SGK3: variants seen among roughly 807,000 people sequenced by gnomAD.
SGK3 encodes the protein serum/glucocorticoid regulated kinase family member 3.
SGK3 carries 47 observed loss-of-function variants against 68.5 expected under a neutral mutation model. The ratio of observed to expected loss-of-function variants is 0.69; its 90% CI spans 0.54 to 0.87. The LOEUF (loss-of-function observed/expected upper bound fraction) is 0.87, where lower values mean the gene tolerates loss of function less well. Among genes scored for constraint, SGK3 ranks in the 40% least tolerant of loss-of-function variants. The pLI is 0.00. For synonymous variants in SGK3, 181 were observed against 189.1 expected (o/e 0.96, Z 0.35); for missense variants, 479 against 575.5 (o/e 0.83, Z 1.72).
At chr8:66,798,216 C>T (rs1807781313) in intron 2 of SGK3, among the ~76,000 whole-genome samples, 1 of 152,034 alleles carries the variant, frequency 6.6e-6, no homozygotes, top group Non-Finnish European at 1.5e-5. Flanking sequence ...CTATGTTGCC[C>T]AGGCTGGTCT....
intron 1 of SGK3, among the ~76,000 whole-genome samples, chr8:66,747,321 T>C (rs141690856): frequency 6.6e-4 from 100 of 152,250 alleles, no homozygotes; most frequent in African/African-American, 2.3e-3. Flanking sequence ...AGAACCATGG[T>C]TTTTCCATCT....
At position 66,831,201 on chromosome 8, in the gene SGK3, A is replaced by T; in HGVS notation, c.468-53A>T. 1.9e-6 allele frequency: 3 copies of T among 1,598,184 alleles called. No individual in the cohort carries two copies. In the South Asian group the frequency reaches 3.3e-5, roughly 18 times the overall value. Reference sequence around the variant, plus strand: ...AGGGAGGTGCTAAGAAATGTTTAAAAGTTAATATTTCCAATTTCTAGGAGG... The same window carrying T: ...AGGGAGGTGCTAAGAAATGTTTAAATGTTAATATTTCCAATTTCTAGGAGG... On this transcript the variant is annotated intron_variant, in intron 7 of 16. Transcript: ENST00000521198.
chr8:66,843,317 C>T (rs899503235), intron 13 of SGK3, 135 bp from the exon 14 acceptor site: 8 of 734,702 alleles, frequency 1.1e-5, no homozygotes, highest in Non-Finnish European at 1.8e-5. Flanking sequence ...TGAGAATATC[C>T]AACCCACTGG....
chr8:66,854,625 G>A (rs1810429848), intron 16 of SGK3, among the ~76,000 whole-genome samples: 1 of 152,052 alleles, frequency 6.6e-6, no homozygotes, highest in Non-Finnish European at 1.5e-5. Flanking sequence ...TTAGTTAAGT[G>A]TTAAGGGATT....
chr8:66,808,709 T>C (rs1431214771), intron 4 of SGK3, among the ~76,000 whole-genome samples: 3 of 151,750 alleles, frequency 2.0e-5, no homozygotes, highest in Non-Finnish European at 4.4e-5. Context: ...ATGAGGTTTC[T>C]CCATGTTGGT....
At chr8:66,761,965 C>T (rs1245022069) in intron 1 of SGK3, among the ~76,000 whole-genome samples, 1 of 152,154 alleles carries the variant, frequency 6.6e-6, no homozygotes, top group Non-Finnish European at 1.5e-5. Context: ...TGAATCAAAT[C>T]CCAAACATCA....
intron 4 of SGK3, among the ~76,000 whole-genome samples, chr8:66,808,957 C>T (rs530276011): frequency 1.1e-4 from 16 of 152,106 alleles, no homozygotes; most frequent in African/African-American, 3.9e-4. Context: ...ACAACCTCCA[C>T]CTCCCCAGTT....
At chr8:66,802,205 A>T (rs1016404872) in intron 3 of SGK3, among the ~76,000 whole-genome samples, 8 of 152,132 alleles carry the variant, frequency 5.3e-5, no homozygotes, top group African/African-American at 1.9e-4. Context: ...GAAAATAGTT[A>T]TTGGTTGGAT....
chr8:66,731,166 ATGAGGACTTC>A (rs1236533334), intron 1 of SGK3, among the ~76,000 whole-genome samples: 1 of 152,162 alleles, frequency 6.6e-6, no homozygotes, highest in African/African-American at 2.4e-5. Flanking sequence ...TTTTAATTTA[ATGAGGACTTC>A]TGAGGACTTC....
At chr8:66,816,121 TC>T (rs1364925385) in intron 5 of SGK3, among the ~76,000 whole-genome samples, 1 of 151,838 alleles carries the variant, frequency 6.6e-6, no homozygotes, top group Non-Finnish European at 1.5e-5. Flanking sequence ...TGCCTCAGCC[TC>T]CCCAGTAGCT....
At chr8:66,816,337 C>CTTTTTTTTTTTTT (rs1177867449) in intron 5 of SGK3, among the ~76,000 whole-genome samples, 8 of 114,122 alleles carry the variant, frequency 7.0e-5, no homozygotes, top group African/African-American at 2.5e-4. Flanking sequence ...GTGACATTTC[C>CTTTTTTTTTTTTT]TTTTTTTTTT....
chr8:66,724,251 A>G (rs1164777688), intron 1 of SGK3, among the ~76,000 whole-genome samples: 1 of 152,150 alleles, frequency 6.6e-6, no homozygotes, highest in Non-Finnish European at 1.5e-5. Context: ...AAACACTGGG[A>G]TTACAGGCGT....
chr8:66,809,416 A>G (rs1382264620), intron 4 of SGK3, among the ~76,000 whole-genome samples: 3 of 152,202 alleles, frequency 2.0e-5, no homozygotes, highest in African/African-American at 7.2e-5. Context: ...AAGTTTGATC[A>G]AAAGAACACA....
intron 1 of SGK3, among the ~76,000 whole-genome samples, chr8:66,722,286 GT>G (rs1804816672): frequency 1.3e-5 from 2 of 152,028 alleles, no homozygotes; most frequent in African/African-American, 2.4e-5. Context: ...TGTTTTTCTT[GT>G]TTTTTGTTTT....
chr8:66,737,777 G>T (rs558355197), intron 1 of SGK3: 1 of 151,740 alleles, frequency 6.6e-6, no homozygotes, highest in Non-Finnish European at 1.5e-5. Context: ...TGCCATGCCC[G>T]GCTAATTTTT....
At chr8:66,720,892 G>T (rs1232090617) in intron 1 of SGK3, among the ~76,000 whole-genome samples, 1 of 152,128 alleles carries the variant, frequency 6.6e-6, no homozygotes, top group Non-Finnish European at 1.5e-5. Flanking sequence ...GTTTCAGTGA[G>T]CTGGGATCAT....
chr8:66,793,187 A>T (rs562668898), intron 1 of SGK3, among the ~76,000 whole-genome samples: 37 of 152,302 alleles, frequency 2.4e-4, no homozygotes, highest in Middle Eastern at 6.8e-3. Context: ...GGATGTACGA[A>T]TTATTTCACC....
intron 1 of SGK3, among the ~76,000 whole-genome samples, chr8:66,744,106 C>T (rs897891393): frequency 6.6e-6 from 1 of 152,140 alleles, no homozygotes; most frequent in Non-Finnish European, 1.5e-5. Context: ...AGACAGCGTG[C>T]ATGGGAGGTA....
chr8:66,716,927 G>A (rs1225520117), intron 1 of SGK3, among the ~76,000 whole-genome samples: 1 of 152,086 alleles, frequency 6.6e-6, no homozygotes, highest in African/African-American at 2.4e-5. Flanking sequence ...CAGGCACGGT[G>A]GCTCACACGA....
Sources: gnomAD v4.1 joint callset for allele counts (sites outside exome capture counted in the v4.1 genomes callset) on GRCh38, gnomAD v4.1.1 for gene constraint, MANE v1.5 for transcripts, NCBI Gene and HGNC (gene_info 2026-07-23, HGNC 2026-07-21) for gene names.